The following ROCK2 variants were observed in gnomAD, a reference collection of about 807,000 sequenced individuals.
ROCK2 encodes the protein rho-associated protein kinase 2.
A neutral mutation model predicts 195.1 loss-of-function variants in ROCK2; 61 were observed. The ratio of observed to expected loss-of-function variants is 0.31; its 90% CI spans 0.25 to 0.39. The LOEUF (loss-of-function observed/expected upper bound fraction) is 0.39. Ranked by LOEUF, ROCK2 falls within the 10% of genes least tolerant of loss-of-function variation. The pLI, the probability that ROCK2 is intolerant of heterozygous loss-of-function variation, is 1.00. For synonymous variants in ROCK2, 504 were observed against 545.5 expected, an observed-to-expected ratio of 0.92 and a Z score of 1.06; for missense variants, 1,109 against 1,637.4, an observed-to-expected ratio of 0.68 and a Z score of 5.57.
At position 11,207,923 on chromosome 2, in the gene ROCK2, T is replaced by C; in HGVS notation, c.2365-13A>G. The C allele has an allele frequency of 6.5e-7, 1 of 1,532,078 alleles. No homozygotes were observed. The highest frequency in any genetic ancestry group is 8.8e-7 in the Non-Finnish European group (1 of 1,136,494). 94.9% of individuals were successfully genotyped at this position (1,532,078 alleles called of 1,614,324 possible). A position where few individuals can be genotyped will look rare whatever the true frequency, so the allele number is the denominator to read the frequency against. Reference sequence around the variant, plus strand: ...TCAGGTTTCTAACCTAAGAAATAAATTGTGTACTTGGTATATAAGTAAATT... The same window carrying C: ...TCAGGTTTCTAACCTAAGAAATAAACTGTGTACTTGGTATATAAGTAAATT... On this transcript the variant is annotated splice_polypyrimidine_tract_variant and intron_variant, in intron 19 of 32. Transcript: ENST00000315872.
At chr2:11,206,402 T>C (rs1284561293) in intron 20 of ROCK2, among the ~76,000 whole-genome samples, 1 of 151,798 alleles carries the variant, frequency 6.6e-6, no homozygotes, top group Non-Finnish European at 1.5e-5. Context: ...ATAAACACTA[T>C]CGTTAGAATA....
At chr2:11,322,220 GAAT>G (rs1051859754) in intron 1 of ROCK2, among the ~76,000 whole-genome samples, 10 of 151,988 alleles carry the variant, frequency 6.6e-5, no homozygotes, top group Non-Finnish European at 1.0e-4. Flanking sequence ...GGTCAATTTA[GAAT>G]ACTACACAAA....
chr2:11,215,718 T>G, intron 13 of ROCK2, 73 bp from the exon 14 acceptor site: 1 of 1,251,758 alleles, frequency 8.0e-7, no homozygotes, highest in Admixed American at 2.8e-5. Flanking sequence ...ATACTTGCTA[T>G]TCCAAACAGA....
intron 1 of ROCK2, among the ~76,000 whole-genome samples, chr2:11,313,652 C>T (rs1367259171): frequency 6.6e-6 from 1 of 151,706 alleles, no homozygotes; most frequent in Non-Finnish European, 1.5e-5. Context: ...TTTAACTTCT[C>T]GTTTAGTTTT....
chr2:11,197,759 G>T lies in ROCK2; in HGVS notation c.3100-54C>A. 8.0e-7 allele frequency: 1 copy of T among 1,247,628 alleles called. No individual in the cohort carries two copies. The highest frequency in any genetic ancestry group is 1.1e-6 in the Non-Finnish European group (1 of 946,852). The allele number at this position is 1,247,628 out of a possible 1,614,324, so 77.3% of individuals were successfully genotyped here. On this transcript the variant is annotated intron_variant, in intron 25 of 32. Coordinates refer to ENST00000315872, the MANE Select transcript of ROCK2 (RefSeq NM_004850.5). The surrounding 1 kb of genome is among the most constrained non-coding windows in gnomAD (Gnocchi z 4.9). ...CATAAATAAAATAAATTACGTTTAT[G>T]GTTTCTCAGTATCTCATCAAGAGCA... is the stretch of plus-strand genomic sequence containing the variant.
intron 1 of ROCK2, among the ~76,000 whole-genome samples, chr2:11,309,396 C>T (rs558287626): frequency 3.9e-5 from 6 of 152,066 alleles, no homozygotes; most frequent in East Asian, 3.9e-4. Context: ...TATATGTACG[C>T]GTGTGTGCAT....
chr2:11,335,113 AC>A (rs1668887576), intron 1 of ROCK2, among the ~76,000 whole-genome samples: 1 of 21,466 alleles, frequency 4.7e-5, no homozygotes, highest in Admixed American at 6.4e-4. Flanking sequence ...ACTGATACAC[AC>A]ACACACACAC....
At position 11,192,221 on chromosome 2, in the gene ROCK2, T is replaced by C; in HGVS notation, c.4090A>G (p.Arg1364Gly). 6.2e-7 allele frequency: 1 copy of C among 1,614,058 alleles called. No individual in the cohort carries two copies. Among genetic ancestry groups the C allele is most frequent in the South Asian group, 1.1e-5 (1 of 91,080 alleles). ...TTTTGCTGTATCTTCATTGAAGTTCTAGGAGATGATCGGGCAAAAGGGTCT... is the reference window on the plus strand; with the variant it reads ...TTTTGCTGTATCTTCATTGAAGTTCCAGGAGATGATCGGGCAAAAGGGTCT... ...APDPFARSSP[R>G]TSMKIQQNQS... Residue 1364 changes from arginine to glycine, a missense_variant, in exon 32 of 33, where the codon AGA (arginine) becomes GGA (glycine). Arg to Gly is a moderately radical substitution (Grantham distance 125, BLOSUM62 -2). This residue lies in a region of ROCK2 where 221 missense variants were observed against 355.1 expected (regional missense o/e 0.62). Transcript: ENST00000315872. This position sits in a 1 kb window ranked among gnomAD's most constrained non-coding sequence, Gnocchi z 5.0.
rs1253554540 is a variant in ROCK2 at position 11,185,244 on chromosome 2, TGCC to T, written c.4164-1807_4164-1805del. Among the ~76,000 whole-genome samples, 7 of 152,332 alleles carry T rather than the reference TGCC, an allele frequency of 4.6e-5. No homozygotes were observed. The East Asian group carries it at 1.3e-3, about 29-fold the overall frequency. ...AGCTTTCTGAATTCCAGTAGGACCCTGCCTGCTCAATGTGTCACCAAGAGCTTT... is the reference window on the plus strand; with the variant it reads ...AGCTTTCTGAATTCCAGTAGGACCCTTGCTCAATGTGTCACCAAGAGCTTT... On this transcript the variant is annotated intron_variant, in intron 32 of 32. Transcript: ENST00000315872.
At chr2:11,268,429 GCTT>G (rs1324002322) in intron 3 of ROCK2, among the ~76,000 whole-genome samples, 1 of 151,904 alleles carries the variant, frequency 6.6e-6, no homozygotes, top group African/African-American at 2.4e-5. Flanking sequence ...CACAGCATTC[GCTT>G]CTTAAGGTCA....
intron 1 of ROCK2, among the ~76,000 whole-genome samples, chr2:11,297,838 T>C (rs1197796935): frequency 6.6e-6 from 1 of 152,212 alleles, no homozygotes; most frequent in Non-Finnish European, 1.5e-5. Context: ...CTGATAGAAA[T>C]GTTCAAAATA....
chr2:11,203,982 T>C (rs563956530), intron 20 of ROCK2, among the ~76,000 whole-genome samples: 1 of 152,300 alleles, frequency 6.6e-6, no homozygotes, highest in South Asian at 2.1e-4. Context: ...TTAAGAAAAG[T>C]AATTTTCAGA....
At chr2:11,310,160 T>C (rs1334336284) in intron 1 of ROCK2, among the ~76,000 whole-genome samples, 2 of 152,174 alleles carry the variant, frequency 1.3e-5, no homozygotes, top group Non-Finnish European at 2.9e-5. Flanking sequence ...TTCATTTCTG[T>C]TTTTAATTTA....
intron 1 of ROCK2, among the ~76,000 whole-genome samples, chr2:11,314,487 A>G (rs1159604455): frequency 6.6e-6 from 1 of 151,956 alleles, no homozygotes; most frequent in African/African-American, 2.4e-5. Flanking sequence ...CATATACCAT[A>G]TTTACATGAA....
At chr2:11,284,567 A>G (rs1238459577) in intron 3 of ROCK2, among the ~76,000 whole-genome samples, 1 of 152,158 alleles carries the variant, frequency 6.6e-6, no homozygotes, top group Non-Finnish European at 1.5e-5. Flanking sequence ...TAAAAAAACT[A>G]AAGTCTTTTT....
intron 1 of ROCK2, among the ~76,000 whole-genome samples, chr2:11,342,911 T>C (rs1352565683): frequency 6.6e-6 from 1 of 152,170 alleles, no homozygotes; most frequent in Non-Finnish European, 1.5e-5. Flanking sequence ...CCTCAAAGGA[T>C]AACCAACCGC....
At chr2:11,248,573 G>A (rs948371209) in intron 4 of ROCK2, among the ~76,000 whole-genome samples, 7 of 151,662 alleles carry the variant, frequency 4.6e-5, no homozygotes, top group Non-Finnish European at 1.0e-4. Flanking sequence ...GCCAGGCATG[G>A]TGGCAGATGC....
intron 3 of ROCK2, among the ~76,000 whole-genome samples, chr2:11,277,342 T>C (rs755301043): frequency 9.2e-5 from 14 of 152,154 alleles, no homozygotes; most frequent in African/African-American, 2.7e-4. Context: ...TTTTCCCCCA[T>C]AGGTTATAGG....
chr2:11,209,976 AAT>A (rs1572246655), intron 18 of ROCK2, among the ~76,000 whole-genome samples: 1 of 152,224 alleles, frequency 6.6e-6, no homozygotes, highest in East Asian at 1.9e-4. Context: ...AGAAAGTTTA[AAT>A]AACTAGACAA....
Sources: allele counts gnomAD v4.1 joint callset (sites outside exome capture counted in the v4.1 genomes callset), GRCh38; gene constraint gnomAD v4.1.1; regional missense constraint gnomAD v4.1.1; non-coding constraint Gnocchi (gnomAD v3.1); transcripts MANE v1.5; gene names NCBI Gene and HGNC (gene_info 2026-07-23, HGNC 2026-07-21).